Variants in OTUD7B observed in about 807,000 individuals in gnomAD.
The protein encoded by OTUD7B is OTU domain-containing protein 7B.
In OTUD7B, 34 loss-of-function variants were observed where a neutral mutation model predicts 82.2. The observed-to-expected ratio is 0.41, with a 90% CI of 0.31 to 0.55. OTUD7B has a LOEUF of 0.55. Among genes scored for constraint, OTUD7B ranks in the 20% least tolerant of loss-of-function variants. The pLI is 0.20. For missense variants in OTUD7B, 944 were observed against 1,062.1 expected, an observed-to-expected ratio of 0.89 and a Z score of 1.55; for synonymous variants, 398 against 402.7, an observed-to-expected ratio of 0.99 and a Z score of 0.14.
At chr1:150,067,293 G>A in the OTUD7B span, 1 of 152,686 alleles carries the variant, frequency 6.5e-6, no homozygotes, top group Admixed American at 6.5e-5. Context: ...CAATGAACCC[G>A]GGAAGACGAA....
the OTUD7B span, among the ~76,000 whole-genome samples, chr1:150,044,427 C>T: frequency 3.8e-3 from 573 of 151,980 alleles, 1 homozygote; most frequent in African/African-American, 0.013. Flanking sequence ...AGGCTGGTCT[C>T]GAACTCCTGA....
At chr1:149,995,750 G>A (rs1296142533) in intron 1 of OTUD7B, among the ~76,000 whole-genome samples, 1 of 151,958 alleles carries the variant, frequency 6.6e-6, no homozygotes, top group African/African-American at 2.4e-5. Context: ...CCTTGCACCT[G>A]TTCTGAAGAT....
chr1:150,023,083 A>T, the OTUD7B span, among the ~76,000 whole-genome samples: 1 of 152,224 alleles, frequency 6.6e-6, no homozygotes, highest in Admixed American at 6.5e-5. Flanking sequence ...TCAGATGCAC[A>T]AAGGTGAATC....
Position 150,002,657 on chromosome 1 carries a change from G to A in OTUD7B, c.-67+7791C>T, listed in dbSNP as rs141147856. 1.5e-4 allele frequency among the ~76,000 whole-genome samples: 23 copies of A among 152,288 alleles called. No homozygotes were observed. The East Asian group carries it at 4.2e-3, about 28-fold the overall frequency. On this transcript the variant is annotated intron_variant, in intron 1 of 11. Coordinates refer to ENST00000581312, the MANE Select transcript of OTUD7B (RefSeq NM_020205.4). Reference sequence around the variant, plus strand: ...TGAATTCACCTTTATTAATCACCTAGTACATGCTGAAGACTGAATTCTAGA... The same window carrying A: ...TGAATTCACCTTTATTAATCACCTAATACATGCTGAAGACTGAATTCTAGA...
Position 150,010,661 on chromosome 1 carries a change from C to A in OTUD7B, c.-280G>T, listed in dbSNP as rs1553787152. ...AGGACTGATCGGGACTGGCCTCCCC[C>A]AGTGGCTTTTTGCCCACTCCGCACC... is the stretch of plus-strand genomic sequence containing the variant. On this transcript the variant is annotated 5_prime_UTR_variant, in exon 1 of 12. Coordinates refer to ENST00000581312, the MANE Select transcript of OTUD7B (RefSeq NM_020205.4). 6.5e-6 allele frequency: 1 copy of A among 152,754 alleles called. No individual in the cohort carries two copies. The highest frequency in any genetic ancestry group is 2.4e-5 in the African/African-American group (1 of 41,452). 9.5% of individuals were successfully genotyped at this position (152,754 alleles called of 1,614,324 possible). A position where few individuals can be genotyped will look rare whatever the true frequency, so the allele number is the denominator to read the frequency against.
rs868980456 is a variant in OTUD7B at position 149,940,144 on chromosome 1, A to G, written c.*3713T>C. 6.6e-6 allele frequency: 1 copy of G among 152,110 alleles called. No homozygotes were observed. Among genetic ancestry groups the G allele is most frequent in the South Asian group, 2.1e-4 (1 of 4,818 alleles). The allele number at this position is 152,110 out of a possible 1,614,324, so 9.4% of individuals were successfully genotyped here. Reference sequence around the variant, plus strand: ...AAACCAGCTTTATTCTTTTGGGCTCAGTATCACCCCGCAGATATACAACAC... The same window carrying G: ...AAACCAGCTTTATTCTTTTGGGCTCGGTATCACCCCGCAGATATACAACAC... On this transcript the variant is annotated 3_prime_UTR_variant, in exon 12 of 12. Coordinates refer to ENST00000581312, the MANE Select transcript of OTUD7B (RefSeq NM_020205.4).
At chr1:150,062,711 T>TC in the OTUD7B span, among the ~76,000 whole-genome samples, 501 of 138,830 alleles carry the variant, frequency 3.6e-3, 4 homozygotes, top group African/African-American at 0.013. Flanking sequence ...CTTCTTTCTT[T>TC]TTTTTTTTTT....
intron 11 of OTUD7B, among the ~76,000 whole-genome samples, 157 bp from the exon 12 acceptor site, chr1:149,945,222 C>T (rs915163878): frequency 2.0e-5 from 3 of 152,136 alleles, no homozygotes; most frequent in African/African-American, 4.8e-5. Context: ...CTATGAACTC[C>T]GTCCTCTGAG....
rs1337802050 is a variant in OTUD7B, at chr1:149,941,927, C to A, written c.*1930G>T. 1.3e-5 allele frequency: 2 copies of A among 152,152 alleles called. No individual in the cohort carries two copies. The highest frequency in any genetic ancestry group is 2.9e-5 in the Non-Finnish European group (2 of 68,038). The allele number at this position is 152,152 out of a possible 1,614,324, so 9.4% of individuals were successfully genotyped here. On this transcript the variant is annotated 3_prime_UTR_variant, in exon 12 of 12. Coordinates refer to ENST00000581312, the MANE Select transcript of OTUD7B (RefSeq NM_020205.4). ...CTTTGGAATCTCACTGCTTCCTTAA[C>A]ACAAATCTATTTTCAAAGAAAACCC...
At chr1:150,048,490 G>A in the OTUD7B span, 2 of 152,028 alleles carry the variant, frequency 1.3e-5, no homozygotes, top group African/African-American at 4.8e-5. Flanking sequence ...CAAGGCAGGA[G>A]GATATCCTGC....
the OTUD7B span, among the ~76,000 whole-genome samples, chr1:150,058,477 G>A: frequency 2.0e-5 from 3 of 152,166 alleles, no homozygotes; most frequent in Non-Finnish European, 4.4e-5. Context: ...TTGTAGCACT[G>A]CACTCCAGCC....
chr1:150,056,585 CAG>C, the OTUD7B span, among the ~76,000 whole-genome samples: 3 of 152,142 alleles, frequency 2.0e-5, no homozygotes, highest in South Asian at 6.2e-4. Context: ...AACTGTGACA[CAG>C]AGAAGTTACA....
intron 1 of OTUD7B, among the ~76,000 whole-genome samples, chr1:149,999,760 T>C (rs1652153883): frequency 1.3e-5 from 2 of 152,212 alleles, no homozygotes; most frequent in Admixed American, 6.5e-5. Context: ...CCCACTGTCG[T>C]GTCTTAATTC....
chr1:149,967,437 C>T lies in OTUD7B; in HGVS notation c.359G>A (p.Gly120Asp). The change falls in exon 4 of 12, where the codon GGT becomes GAT. Residue 120 changes from glycine to aspartate, a missense_variant. This residue lies in a region of OTUD7B where 530 missense variants were observed against 625.6 expected (regional missense o/e 0.85). Coordinates refer to ENST00000581312, the MANE Select transcript of OTUD7B (RefSeq NM_020205.4). ...CAGGGGGTGCTCATTGCTCCCCCCA[C>T]CCCCACCATTGGAGGAGACATGGGA... ...ARSHVSSNGG[G>D]GGSNEHPLEM... 6.2e-7 allele frequency: 1 copy of T among 1,614,074 alleles called. No individual in the cohort carries two copies. The highest frequency in any genetic ancestry group is 8.5e-7 in the Non-Finnish European group (1 of 1,179,972).
Position 149,965,848 on chromosome 1 carries a change from G to A in OTUD7B, c.533C>T (p.Pro178Leu), listed in dbSNP as rs782322503. 6.2e-7 allele frequency: 1 copy of A among 1,613,856 alleles called. No individual in the cohort carries two copies. The highest frequency in any genetic ancestry group is 8.5e-7 in the Non-Finnish European group (1 of 1,179,900). Residue 178 changes from proline to leucine, a missense_variant, in exon 5 of 12, where the codon CCC (proline) becomes CTC (leucine). By Grantham distance (98) the Pro-to-Leu change is moderately conservative. Around this residue, in one of 3 missense-constraint regions of OTUD7B, gnomAD observed 530 missense variants for 625.6 expected, o/e 0.85. Coordinates refer to ENST00000581312, the MANE Select transcript of OTUD7B (RefSeq NM_020205.4). ...GRLNWWVSVD[P>L]TSQRLLPLAT... is the part of the protein sequence containing the mutation. ...CAAAGGAAGCAGCCTCTGAGAGGTG[G>A]GATCCACACTCACCCACCAGTTCAA...
the OTUD7B span, among the ~76,000 whole-genome samples, chr1:150,051,954 A>C: frequency 6.6e-6 from 1 of 152,180 alleles, no homozygotes; most frequent in Non-Finnish European, 1.5e-5. Context: ...AGATTATTTC[A>C]ATATAAAAAT....
intron 6 of OTUD7B, chr1:149,962,510 T>C (rs1164842868): frequency 6.6e-6 from 1 of 152,180 alleles, no homozygotes; most frequent in Non-Finnish European, 1.5e-5. Flanking sequence ...TATTGCTCCA[T>C]TACTAGCCAC....
the OTUD7B span, among the ~76,000 whole-genome samples, chr1:150,040,875 A>C: frequency 9.9e-5 from 15 of 151,828 alleles, no homozygotes; most frequent in African/African-American, 3.6e-4. Context: ...ATGCCCAGCT[A>C]ATTTTTGTAT....
At chr1:149,985,116 C>T (rs782500700) in intron 1 of OTUD7B, among the ~76,000 whole-genome samples, 1 of 152,110 alleles carries the variant, frequency 6.6e-6, no homozygotes, top group South Asian at 2.1e-4. Flanking sequence ...GACTCAAATT[C>T]CTATACAGAG....
Sources: gnomAD v4.1 joint callset for allele counts (sites outside exome capture counted in the v4.1 genomes callset) on GRCh38, gnomAD v4.1.1 for gene constraint, gnomAD v4.1.1 regional missense constraint, MANE v1.5 for transcripts, NCBI Gene and HGNC (gene_info 2026-07-23, HGNC 2026-07-21) for gene names.